SPOCK3: variants seen among roughly 807,000 people sequenced by gnomAD.
SPOCK3 encodes the protein SPARC (osteonectin), cwcv and kazal like domains proteoglycan 3, also known as testican-3.
In SPOCK3, 30 loss-of-function variants were observed where a neutral mutation model predicts 56.6. The observed-to-expected ratio is 0.53, with a 90% CI of 0.40 to 0.72. SPOCK3 has a LOEUF of 0.72. SPOCK3 is among the 30% of genes least tolerant of loss of function. The pLI, the probability that SPOCK3 is intolerant of heterozygous loss-of-function variation, is 0.00. For synonymous variants in SPOCK3, 196 were observed against 183.3 expected, an observed-to-expected ratio of 1.07 and a Z score of -0.56; for missense variants, 527 against 530.0, an observed-to-expected ratio of 0.99 and a Z score of 0.06.
At chr4:166,753,705 A>C (rs1422422330) in intron 8 of SPOCK3, among the ~76,000 whole-genome samples, 3 of 152,088 alleles carry the variant, frequency 2.0e-5, no homozygotes, top group Admixed American at 1.3e-4. Context: ...TGACAACAGC[A>C]GGCTTTACCA....
At chr4:166,916,176 CT>C (rs138846749) in intron 4 of SPOCK3, among the ~76,000 whole-genome samples, 1,933 of 148,758 alleles carry the variant, frequency 0.013, 47 homozygotes, top group African/African-American at 0.044. Flanking sequence ...CTCAAGTTTT[CT>C]TTTTTTTTTC....
intron 5 of SPOCK3, among the ~76,000 whole-genome samples, chr4:166,897,495 T>C (rs1735518021): frequency 6.6e-6 from 1 of 152,130 alleles, no homozygotes; most frequent in South Asian, 2.1e-4. Context: ...ATATTGGGAT[T>C]TCCTTAGCTG....
At chr4:166,802,082 T>G (rs566957506) in intron 6 of SPOCK3, among the ~76,000 whole-genome samples, 1 of 152,232 alleles carries the variant, frequency 6.6e-6, no homozygotes, top group South Asian at 2.1e-4. Context: ...TATCCATCAC[T>G]GTCTTGAGGT....
chr4:167,205,390 T>TA (rs1734088426), intron 2 of SPOCK3, among the ~76,000 whole-genome samples: 2 of 42,220 alleles, frequency 4.7e-5, no homozygotes, highest in African/African-American at 2.3e-4. Context: ...AATATATATA[T>TA]TTTATATATA....
At position 167,141,697 on chromosome 4, in the gene SPOCK3, A is replaced by G. The variant is rs926546470; in HGVS notation, c.190-79160T>C. Among the ~76,000 whole-genome samples the G allele has an allele frequency of 9.9e-5, 15 of 152,150 alleles. No homozygotes were observed. The Middle Eastern group carries it at 0.01, about 104-fold the overall frequency. On this transcript the variant is annotated intron_variant, in intron 2 of 10. Transcript: ENST00000357545. Reference sequence around the variant, plus strand: ...GATAGCAATGGAAAATAGGAAAGAAAAGATCAGTAAATTAGAGGGCAAATC... The same window carrying G: ...GATAGCAATGGAAAATAGGAAAGAAGAGATCAGTAAATTAGAGGGCAAATC...
At chr4:166,890,226 G>T (rs1174520135) in intron 5 of SPOCK3, among the ~76,000 whole-genome samples, 1 of 151,812 alleles carries the variant, frequency 6.6e-6, no homozygotes, top group Non-Finnish European at 1.5e-5. Context: ...CCACCACACA[G>T]GTAATGGAAA....
At chr4:167,076,950 G>A (rs535870933) in intron 2 of SPOCK3, among the ~76,000 whole-genome samples, 1 of 151,904 alleles carries the variant, frequency 6.6e-6, no homozygotes, top group East Asian at 1.9e-4. Flanking sequence ...ATTCAGTCAA[G>A]TCTGCACATG....
At chr4:167,135,680 C>CGTGT (rs57918767) in intron 2 of SPOCK3, among the ~76,000 whole-genome samples, 7,273 of 147,676 alleles carry the variant, frequency 0.049, 582 homozygotes, top group African/African-American at 0.17. Flanking sequence ...CTATATAAAA[C>CGTGT]GTGTGTGTGT....
At chr4:167,183,277 TGA>T (rs1056814280) in intron 2 of SPOCK3, among the ~76,000 whole-genome samples, 5 of 152,196 alleles carry the variant, frequency 3.3e-5, no homozygotes, top group Non-Finnish European at 7.4e-5. Flanking sequence ...TTTAAGCCAC[TGA>T]GTTTTTAGGT....
intron 2 of SPOCK3, among the ~76,000 whole-genome samples, chr4:167,067,417 A>T (rs2150257645): frequency 6.6e-6 from 1 of 151,966 alleles, no homozygotes; most frequent in Admixed American, 6.6e-5. Context: ...AATGCTTTTG[A>T]AGACACACTT....
chr4:167,213,883 T>A (rs1424578985), intron 2 of SPOCK3, among the ~76,000 whole-genome samples: 1 of 152,112 alleles, frequency 6.6e-6, no homozygotes, highest in Non-Finnish European at 1.5e-5. Flanking sequence ...AACGTCAAGG[T>A]GGCATTTCAT....
chr4:166,773,194 T>C (rs1739154848), intron 7 of SPOCK3, among the ~76,000 whole-genome samples: 1 of 152,206 alleles, frequency 6.6e-6, no homozygotes, highest in Non-Finnish European at 1.5e-5. Context: ...TTTCACAAAC[T>C]TTTGTAATAA....
intron 2 of SPOCK3, among the ~76,000 whole-genome samples, chr4:167,160,425 A>G (rs1447194816): frequency 6.6e-6 from 1 of 152,188 alleles, no homozygotes; most frequent in Non-Finnish European, 1.5e-5. Flanking sequence ...TTCCATGCTC[A>G]TGGGTAGGAA....
chr4:167,112,568 C>G (rs1340049148), intron 2 of SPOCK3, among the ~76,000 whole-genome samples: 1 of 152,086 alleles, frequency 6.6e-6, no homozygotes, highest in Non-Finnish European at 1.5e-5. Flanking sequence ...ATGTCTCCAA[C>G]AGGAGGTGGA....
intron 2 of SPOCK3, among the ~76,000 whole-genome samples, chr4:167,091,465 TCAG>T (rs971749996): frequency 2.9e-4 from 44 of 152,284 alleles, no homozygotes; most frequent in African/African-American, 8.9e-4. Context: ...GGTGATAATA[TCAG>T]CAGGTTTTTA....
intron 2 of SPOCK3, among the ~76,000 whole-genome samples, chr4:167,203,005 A>G (rs1228233393): frequency 6.6e-6 from 1 of 151,346 alleles, no homozygotes; most frequent in Non-Finnish European, 1.5e-5. Flanking sequence ...TGATATTTGT[A>G]TTGATGCATA....
At chr4:167,176,263 T>C (rs1390891943) in intron 2 of SPOCK3, among the ~76,000 whole-genome samples, 1 of 152,162 alleles carries the variant, frequency 6.6e-6, no homozygotes, top group African/African-American at 2.4e-5. Flanking sequence ...CCTTTTGCTA[T>C]GTAAAGTAAT....
intron 2 of SPOCK3, among the ~76,000 whole-genome samples, chr4:167,106,355 G>A (rs1377823395): frequency 6.6e-6 from 1 of 151,698 alleles, no homozygotes; most frequent in Non-Finnish European, 1.5e-5. Flanking sequence ...GCAAACACAT[G>A]GAAATTAAAC....
At chr4:167,093,386 G>T (rs1236388423) in intron 2 of SPOCK3, among the ~76,000 whole-genome samples, 1 of 152,030 alleles carries the variant, frequency 6.6e-6, no homozygotes, top group Non-Finnish European at 1.5e-5. Context: ...GTGGCTTGCT[G>T]TACCCATCAA....
Sources: allele counts gnomAD v4.1 joint callset (sites outside exome capture counted in the v4.1 genomes callset), GRCh38; gene constraint gnomAD v4.1.1; transcripts MANE v1.5; gene names NCBI Gene and HGNC (gene_info 2026-07-23, HGNC 2026-07-21).